The following SEMA5A variants were observed in gnomAD, a reference collection of about 807,000 sequenced individuals.
The protein encoded by SEMA5A is semaphorin 5A, also known as semaphorin-5A.
A neutral mutation model predicts 135.5 loss-of-function variants in SEMA5A; 55 were observed. The ratio of observed to expected loss-of-function variants is 0.41; its 90% CI spans 0.33 to 0.51. The LOEUF (loss-of-function observed/expected upper bound fraction) is 0.51, where lower values mean the gene tolerates loss of function less well. Ranked by LOEUF, SEMA5A falls within the 20% of genes least tolerant of loss-of-function variation. The pLI is 0.37. For missense variants in SEMA5A, 1,290 were observed against 1,419.9 expected, an observed-to-expected ratio of 0.91 and a Z score of 1.47; for synonymous variants, 580 against 546.5, an observed-to-expected ratio of 1.06 and a Z score of -0.85.
intron 20 of SEMA5A, among the ~76,000 whole-genome samples, chr5:9,051,009 G>A (rs1736543733): frequency 6.6e-6 from 1 of 152,212 alleles, no homozygotes; most frequent in Admixed American, 6.5e-5. Flanking sequence ...TTTAACTCCT[G>A]AGGATAAAAT....
At chr5:9,436,714 GT>G (rs756705728) in intron 2 of SEMA5A, among the ~76,000 whole-genome samples, 1 of 152,202 alleles carries the variant, frequency 6.6e-6, no homozygotes, top group Non-Finnish European at 1.5e-5. Flanking sequence ...CAATGGTAGT[GT>G]CTTTGCAGTG....
chr5:9,467,920 C>T (rs1047160114), intron 1 of SEMA5A, among the ~76,000 whole-genome samples: 1 of 152,204 alleles, frequency 6.6e-6, no homozygotes, highest in Non-Finnish European at 1.5e-5. Context: ...ACTTCAAAGT[C>T]CTTTGACTAG....
At chr5:9,280,343 G>A (rs757839316) in intron 5 of SEMA5A, among the ~76,000 whole-genome samples, 1 of 152,182 alleles carries the variant, frequency 6.6e-6, no homozygotes, top group Non-Finnish European at 1.5e-5. Context: ...AGAAAAGAAA[G>A]GCAAAGATGA....
intron 3 of SEMA5A, among the ~76,000 whole-genome samples, chr5:9,369,526 T>C (rs1197866823): frequency 2.6e-5 from 4 of 152,214 alleles, no homozygotes; most frequent in African/African-American, 7.2e-5. Flanking sequence ...GTATATTGTG[T>C]GAAGCAATAT....
At position 9,301,776 on chromosome 5, in the gene SEMA5A, C is replaced by T. The variant is rs117265544; in HGVS notation, c.270+16596G>A. The stretch of plus-strand genomic sequence containing the variant: ...GCTTCCTGGGAGACCTGCCCACCTG[C>T]AATATATGAGAAAGAGGAGCCATGC... On this transcript the variant is annotated intron_variant, in intron 5 of 22. Transcript: ENST00000382496. Among the ~76,000 whole-genome samples, 12 of 152,206 alleles carry T rather than the reference C, an allele frequency of 7.9e-5. No homozygotes were observed. In the East Asian group the frequency reaches 2.3e-3, roughly 29 times the overall value.
In SEMA5A at chr5:9,422,771, T is replaced by C. The variant is rs117365545; in HGVS notation, c.-78+14985A>G. On this transcript the variant is annotated intron_variant, in intron 2 of 22. Coordinates refer to ENST00000382496, the MANE Select transcript of SEMA5A (RefSeq NM_003966.3). Reference sequence around the variant, plus strand: ...TTGTTGCTGTTATCTTGTTGAATTTTTTATCAGACTATTATTGGTATCACC... The same window carrying C: ...TTGTTGCTGTTATCTTGTTGAATTTCTTATCAGACTATTATTGGTATCACC... Among the ~76,000 whole-genome samples, 910 of 152,350 alleles carry C rather than the reference T, an allele frequency of 6.0e-3. 13 individuals are homozygous for C. Among genetic ancestry groups the C allele is most frequent in the East Asian group, 0.047 (244 of 5,190 alleles).
chr5:9,079,846 G>A (rs1738274482), intron 16 of SEMA5A, among the ~76,000 whole-genome samples: 1 of 152,118 alleles, frequency 6.6e-6, no homozygotes, highest in African/African-American at 2.4e-5. Flanking sequence ...AACACAATGA[G>A]ACACCATCTC....
intron 4 of SEMA5A, among the ~76,000 whole-genome samples, chr5:9,335,254 A>AC (rs1242428075): frequency 6.6e-6 from 1 of 151,952 alleles, no homozygotes; most frequent in African/African-American, 2.4e-5. Flanking sequence ...AGAGAGAGAC[A>AC]CCCCACTGAC....
intron 12 of SEMA5A, among the ~76,000 whole-genome samples, chr5:9,141,484 C>A (rs1742062494): frequency 6.6e-6 from 1 of 152,040 alleles, no homozygotes; most frequent in Admixed American, 6.6e-5. Context: ...TTACACTATT[C>A]TCATTTTACA....
chr5:9,103,414 G>T (rs1274711746), intron 16 of SEMA5A, among the ~76,000 whole-genome samples: 2 of 152,170 alleles, frequency 1.3e-5, no homozygotes, highest in African/African-American at 4.8e-5. Context: ...ACAAATGTTA[G>T]TGTGTTATAT....
intron 16 of SEMA5A, among the ~76,000 whole-genome samples, chr5:9,088,018 T>C (rs1467342458): frequency 6.6e-6 from 1 of 152,166 alleles, no homozygotes; most frequent in African/African-American, 2.4e-5. Flanking sequence ...CCGGGCGTGG[T>C]GGCTCACGCC....
At chr5:9,289,909 G>T (rs1158320675) in intron 5 of SEMA5A, among the ~76,000 whole-genome samples, 1 of 151,998 alleles carries the variant, frequency 6.6e-6, no homozygotes, top group Non-Finnish European at 1.5e-5. Context: ...GTACACATAA[G>T]ACATTTCAAA....
chr5:9,374,860 G>A (rs1001404768), intron 3 of SEMA5A, among the ~76,000 whole-genome samples: 1 of 151,762 alleles, frequency 6.6e-6, no homozygotes, highest in Non-Finnish European at 1.5e-5. Context: ...CAGGCTCACT[G>A]GAGGTGGAGT....
At chr5:9,213,553 C>T (rs1746458512) in intron 8 of SEMA5A, among the ~76,000 whole-genome samples, 1 of 152,176 alleles carries the variant, frequency 6.6e-6, no homozygotes. Flanking sequence ...GATGGGTTGT[C>T]TGGGGGAAGA....
At chr5:9,479,564 T>C (rs1413263691) in intron 1 of SEMA5A, among the ~76,000 whole-genome samples, 1 of 152,064 alleles carries the variant, frequency 6.6e-6, no homozygotes, top group Non-Finnish European at 1.5e-5. Context: ...GTTGTGTGGG[T>C]AGAAAGAATG....
chr5:9,285,449 A>C (rs1037087735), intron 5 of SEMA5A, among the ~76,000 whole-genome samples: 3 of 152,234 alleles, frequency 2.0e-5, no homozygotes, highest in Non-Finnish European at 4.4e-5. Flanking sequence ...TCCCCAAAGA[A>C]ACATGGGATT....
intron 3 of SEMA5A, among the ~76,000 whole-genome samples, chr5:9,352,575 T>C (rs745818716): frequency 1.3e-5 from 2 of 152,216 alleles, no homozygotes; most frequent in South Asian, 2.1e-4. Flanking sequence ...TGACTAGTGA[T>C]TGTGTTCGAG....
intron 1 of SEMA5A, among the ~76,000 whole-genome samples, chr5:9,459,372 A>G (rs1026468714): frequency 2.0e-5 from 3 of 152,246 alleles, no homozygotes; most frequent in Admixed American, 2.0e-4. Flanking sequence ...CCATCTTGGC[A>G]GCTTCCCTTT....
rs148556867 is a variant in SEMA5A at position 9,155,278 on chromosome 5, C to T, written c.1274-583G>A. Among the ~76,000 whole-genome samples the T allele has an allele frequency of 3.5e-3, 538 of 152,222 alleles. 2 individuals are homozygous for T. Among genetic ancestry groups the T allele is most frequent in the African/African-American group, 0.013 (519 of 41,516 alleles). ...ATGATTTTCTTGGGCTCAACTCCTC[C>T]AAACTTTCTTTCTTGTGCTTCTGAG... is the stretch of plus-strand genomic sequence containing the variant. On this transcript the variant is annotated intron_variant, in intron 11 of 22. Coordinates refer to ENST00000382496, the MANE Select transcript of SEMA5A (RefSeq NM_003966.3).
Sources: gnomAD v4.1 joint callset for allele counts (sites outside exome capture counted in the v4.1 genomes callset) on GRCh38, gnomAD v4.1.1 for gene constraint, MANE v1.5 for transcripts, NCBI Gene and HGNC (gene_info 2026-07-23, HGNC 2026-07-21) for gene names.